The following ANO1 variants were observed in gnomAD, a reference collection of about 807,000 sequenced individuals.
ANO1 encodes anoctamin 1, also known as anoctamin-1.
ANO1 carries 59 observed loss-of-function variants against 124.0 expected under a neutral mutation model. The observed-to-expected ratio is 0.48, with a 90% CI of 0.39 to 0.59. The LOEUF is 0.59. Among genes scored for constraint, ANO1 ranks in the 20% least tolerant of loss-of-function variants. ANO1 has a pLI of 0.00. For synonymous variants in ANO1, 529 were observed against 532.0 expected, an observed-to-expected ratio of 0.99 and a Z score of 0.08; for missense variants, 1,059 against 1,328.0, an observed-to-expected ratio of 0.80 and a Z score of 3.15.
At chr11:70,063,137 G>A (rs747323920) in intron 1 of ANO1, among the ~76,000 whole-genome samples, 8 of 152,132 alleles carry the variant, frequency 5.3e-5, no homozygotes, top group Non-Finnish European at 1.2e-4. Context: ...CACCATATTG[G>A]CCAGGCTGGT....
At chr11:70,055,145 G>T (rs1213915254) in intron 1 of ANO1, among the ~76,000 whole-genome samples, 1 of 152,026 alleles carries the variant, frequency 6.6e-6, no homozygotes, top group Non-Finnish European at 1.5e-5. Context: ...CTGTGTTGAG[G>T]CTGGCTTTAT....
intron 1 of ANO1, among the ~76,000 whole-genome samples, chr11:70,023,214 A>T (rs1470495716): frequency 6.6e-6 from 1 of 152,120 alleles, no homozygotes; most frequent in African/African-American, 2.4e-5. Flanking sequence ...GCGCTGGGAG[A>T]TGAGGGGAAA....
At chr11:70,010,532 G>A (rs922560290) in intron 1 of ANO1, among the ~76,000 whole-genome samples, 56 of 152,160 alleles carry the variant, frequency 3.7e-4, no homozygotes, top group African/African-American at 1.3e-3. Context: ...TGAGGCTTGA[G>A]GGACTAACCA....
At chr11:69,967,624 G>A in the ANO1 span, among the ~76,000 whole-genome samples, 1 of 152,326 alleles carries the variant, frequency 6.6e-6, no homozygotes, top group Admixed American at 6.5e-5. Context: ...CATGTCAAGG[G>A]CTCTGAGCAC....
At chr11:70,125,870 G>T (rs1241854977) in intron 9 of ANO1, among the ~76,000 whole-genome samples, 191 bp from the exon 10 acceptor site, 1 of 151,920 alleles carries the variant, frequency 6.6e-6, no homozygotes, top group Non-Finnish European at 1.5e-5. Context: ...AGAGAGAAGA[G>T]GGGAGGGCTT....
chr11:70,109,265 A>G (rs975381793), intron 6 of ANO1, among the ~76,000 whole-genome samples: 1 of 152,174 alleles, frequency 6.6e-6, no homozygotes, highest in African/African-American at 2.4e-5. Context: ...GGTGGCAGGA[A>G]TGCTGTGGGA....
chr11:70,088,901 C>T (rs2044507322), intron 2 of ANO1, among the ~76,000 whole-genome samples: 1 of 152,136 alleles, frequency 6.6e-6, no homozygotes, highest in Non-Finnish European at 1.5e-5. Context: ...AGCCCTGCTC[C>T]CTAGCAAAGC....
At chr11:70,116,574 C>T in intron 8 of ANO1, 75 bp downstream of exon 8, 3 of 1,481,036 alleles carry the variant, frequency 2.0e-6, no homozygotes, top group Non-Finnish European at 2.8e-6. Flanking sequence ...GGGCCTGCAG[C>T]TGGACCGAGG....
chr11:70,010,047 T>C (rs10899099), intron 1 of ANO1, among the ~76,000 whole-genome samples: 116,924 of 150,852 alleles, frequency 0.78, 45,696 homozygotes, highest in East Asian at 1. Flanking sequence ...CCTGAGTTAC[T>C]TCCCTTAGAA....
chr11:70,088,471 T>A (rs1290571573), intron 2 of ANO1, among the ~76,000 whole-genome samples: 2 of 138,944 alleles, frequency 1.4e-5, no homozygotes, highest in African/African-American at 5.5e-5. Context: ...ATCACGCCAC[T>A]GCACGCCAGC....
At chr11:70,135,760 C>T (rs1038790375) in intron 11 of ANO1, among the ~76,000 whole-genome samples, 3 of 152,150 alleles carry the variant, frequency 2.0e-5, no homozygotes, top group South Asian at 2.1e-4. Flanking sequence ...TGAAGGAGCC[C>T]GGATGAAGAA....
At chr11:70,036,492 G>T (rs1036365913) in intron 1 of ANO1, among the ~76,000 whole-genome samples, 1 of 152,168 alleles carries the variant, frequency 6.6e-6, no homozygotes, top group Non-Finnish European at 1.5e-5. Context: ...TGGTAAGGAA[G>T]GCCTGCTCGG....
chr11:70,088,327 C>T (rs1229901624), intron 2 of ANO1, among the ~76,000 whole-genome samples: 2 of 151,956 alleles, frequency 1.3e-5, no homozygotes, highest in Admixed American at 6.6e-5. Flanking sequence ...CTGGCCAACA[C>T]GGTGAAACCC....
chr11:70,170,909 C>A lies in ANO1; in HGVS notation c.2220C>A (p.Thr740=). 6.2e-7 allele frequency: 1 copy of A among 1,613,442 alleles called. No homozygotes were observed. Among genetic ancestry groups the A allele is most frequent in the Non-Finnish European group, 8.5e-7 (1 of 1,179,718 alleles). ...CAGTCATCCAGTTTGGCTTCGTCAC[C>A]CTGTTTGTCGCCTCCTTCCCCCTGG... The part of the protein sequence containing the change: ...MEMIIQFGFV[T]LFVASFPLAP... The change falls in exon 22 of 26, where the codon ACC becomes ACA. Residue 740 remains threonine, a synonymous_variant. Transcript: ENST00000355303.
chr11:70,122,657 T>C (rs567409010), intron 8 of ANO1, among the ~76,000 whole-genome samples: 1 of 151,126 alleles, frequency 6.6e-6, no homozygotes, highest in South Asian at 2.1e-4. Flanking sequence ...TGTCTCTGTC[T>C]CTCCATCTGT....
Position 70,078,852 on chromosome 11 carries a change from C to T in ANO1, c.108+138C>T, listed in dbSNP as rs1590669950. On this transcript the variant is annotated intron_variant, in intron 1 of 25. Coordinates refer to ENST00000355303, the MANE Select transcript of ANO1 (RefSeq NM_018043.7). Reference sequence around the variant, plus strand: ...CTCCGCGCAGGGTTCGCGGCGCCCACCCGCGCACGTGCGTGCCGGGAAGGG... The same window carrying T: ...CTCCGCGCAGGGTTCGCGGCGCCCATCCGCGCACGTGCGTGCCGGGAAGGG... The T allele has an allele frequency of 4.9e-5, 16 of 327,384 alleles. No individual in the cohort carries two copies. The South Asian group carries it at 1.9e-3, about 40-fold the overall frequency. The allele number at this position is 327,384 out of a possible 1,614,324, so 20.3% of individuals were successfully genotyped here.
At chr11:70,003,417 C>G (rs1382949392) in intron 1 of ANO1, among the ~76,000 whole-genome samples, 2 of 152,236 alleles carry the variant, frequency 1.3e-5, no homozygotes, top group Non-Finnish European at 2.9e-5. Context: ...GTCACCAATT[C>G]TCCCACAGAC....
chr11:70,187,606 T>C, intron 25 of ANO1, 132 bp from the exon 26 acceptor site: 1 of 1,140,726 alleles, frequency 8.8e-7, no homozygotes, highest in Non-Finnish European at 1.2e-6. Context: ...TCTGGAAAAC[T>C]GAGGCCCAGG....
chr11:70,032,001 C>T (rs536649441), intron 1 of ANO1, among the ~76,000 whole-genome samples: 81 of 152,098 alleles, frequency 5.3e-4, no homozygotes, highest in African/African-American at 1.9e-3. Flanking sequence ...TGGACATATT[C>T]ACTGTGGCTA....
Sources: gnomAD v4.1 joint callset for allele counts (sites outside exome capture counted in the v4.1 genomes callset) on GRCh38, gnomAD v4.1.1 for gene constraint, MANE v1.5 for transcripts, NCBI Gene and HGNC (gene_info 2026-07-23, HGNC 2026-07-21) for gene names.